Variants in MACROD1 observed in about 807,000 individuals in gnomAD.
MACROD1 encodes the protein mono-ADP ribosylhydrolase 1.
In MACROD1, 31 loss-of-function variants were observed where a neutral mutation model predicts 41.4. The observed-to-expected ratio is 0.75, with a 90% CI of 0.56 to 1.01. MACROD1 has a LOEUF of 1.01. MACROD1 is among the 50% of genes least tolerant of loss of function. The pLI, the probability that MACROD1 is intolerant of heterozygous loss-of-function variation, is 0.00. For synonymous variants in MACROD1, 252 were observed against 203.4 expected, an observed-to-expected ratio of 1.24 and a Z score of -2.03; for missense variants, 473 against 460.0, an observed-to-expected ratio of 1.03 and a Z score of -0.26.
At chr11:64,034,556 C>A (rs1452401158) in intron 3 of MACROD1, among the ~76,000 whole-genome samples, 2 of 152,126 alleles carry the variant, frequency 1.3e-5, no homozygotes, top group African/African-American at 4.8e-5. Context: ...AGGCCAGAGG[C>A]GGCGGCCTCA....
At position 64,152,317 on chromosome 11, in the gene MACROD1, G is replaced by A. The variant is rs747232105; in HGVS notation, c.375C>T (p.Ile125=). Residue 125 remains isoleucine, a synonymous_variant, in exon 2 of 11, where the codon ATC becomes ATT. Transcript: ENST00000255681. ...CTTTCGCCATCTCCTTCCATGTCGGGATCTTCTTCAGCCTGACAAAGTCCT... is the reference window on the plus strand; with the variant it reads ...CTTTCGCCATCTCCTTCCATGTCGGAATCTTCTTCAGCCTGACAAAGTCCT... ...FCKDFVRLKK[I]PTWKEMAKGV... is the part of the protein sequence containing the mutation. 4 of 1,614,090 alleles carry A rather than the reference G, an allele frequency of 2.5e-6. No individual in the cohort carries two copies. The African/African-American group carries it at 5.3e-5, about 22-fold the overall frequency.
chr11:64,090,330 C>T lies in MACROD1; in HGVS notation c.517+60909G>A, dbSNP rs965545123. Among the ~76,000 whole-genome samples the T allele has an allele frequency of 7.2e-5, 11 of 152,224 alleles. No individual in the cohort carries two copies. The highest frequency in any genetic ancestry group is 3.3e-4 in the Admixed American group (5 of 15,286). On this transcript the variant is annotated intron_variant, in intron 3 of 10. Transcript: ENST00000255681. This position sits in a 1 kb window ranked among gnomAD's most constrained non-coding sequence, Gnocchi z 4.7. The stretch of plus-strand genomic sequence containing the variant: ...AATAGTCAGCAGTTATTTATCGTCT[C>T]GTTTCTTAGTGGGTAGGAAAGCCAC...
At chr11:64,145,367 C>T (rs555977640) in intron 3 of MACROD1, among the ~76,000 whole-genome samples, 30 of 152,264 alleles carry the variant, frequency 2.0e-4, no homozygotes, top group African/African-American at 7.2e-4. Flanking sequence ...TCAGACCTTG[C>T]TCCTAGCACT....
intron 3 of MACROD1, among the ~76,000 whole-genome samples, chr11:64,151,010 C>G (rs1266382695): frequency 6.6e-6 from 1 of 152,226 alleles, no homozygotes; most frequent in Non-Finnish European, 1.5e-5. Flanking sequence ...TCCCCGGCCA[C>G]TAATGGGTCT....
At chr11:64,159,794 C>CA (rs1289343483) in intron 1 of MACROD1, among the ~76,000 whole-genome samples, 27 of 151,688 alleles carry the variant, frequency 1.8e-4, no homozygotes, top group African/African-American at 5.8e-4. Flanking sequence ...AACTCGGTCT[C>CA]AAAAAAAATT....
intron 3 of MACROD1, among the ~76,000 whole-genome samples, chr11:64,108,427 C>A (rs533139876): frequency 6.6e-6 from 1 of 152,118 alleles, no homozygotes; most frequent in African/African-American, 2.4e-5. Flanking sequence ...GGCTTCCTGG[C>A]GAGAAGGAGG....
chr11:64,094,555 G>A (rs939513374), intron 3 of MACROD1, among the ~76,000 whole-genome samples: 3 of 152,222 alleles, frequency 2.0e-5, no homozygotes, highest in Admixed American at 6.5e-5. Flanking sequence ...TGGAGTGAAG[G>A]CCTCCTGAGT....
intron 3 of MACROD1, among the ~76,000 whole-genome samples, chr11:64,142,400 A>C (rs1945425720): frequency 6.6e-6 from 1 of 152,134 alleles, no homozygotes; most frequent in African/African-American, 2.4e-5. Flanking sequence ...ACTGAAACCC[A>C]GGACAGAGAG....
chr11:64,003,942 G>C (rs943257801), intron 4 of MACROD1, among the ~76,000 whole-genome samples: 3 of 152,210 alleles, frequency 2.0e-5, no homozygotes, highest in Non-Finnish European at 4.4e-5. Flanking sequence ...CCCCAGCGCT[G>C]ACGGCTCCCT....
intron 3 of MACROD1, among the ~76,000 whole-genome samples, chr11:64,126,176 C>CCA (rs1945177351): frequency 6.6e-6 from 1 of 152,232 alleles, no homozygotes; most frequent in Non-Finnish European, 1.5e-5. Context: ...CAACGCACCT[C>CCA]CACACCCCAC....
In MACROD1 at chr11:64,117,979, G is replaced by T. The variant is rs143309484; in HGVS notation, c.517+33260C>A. 2,143 of 1,613,662 alleles carry T rather than the reference G, an allele frequency of 1.3e-3. 3 individuals are homozygous for T. Among genetic ancestry groups the T allele is most frequent in the Non-Finnish European group, 1.7e-3 (2,014 of 1,180,016 alleles). ...CTGGTCTTCCTCTTCCTGGTCCTGG[G>T]GGCCATCTGCTGGTACGTGCACCAG... On this transcript the variant is annotated intron_variant, in intron 3 of 10. Transcript: ENST00000255681.
intron 3 of MACROD1, among the ~76,000 whole-genome samples, chr11:64,029,660 C>G (rs1252765393): frequency 6.6e-6 from 1 of 152,162 alleles, no homozygotes; most frequent in African/African-American, 2.4e-5. Flanking sequence ...CGCCCCCACC[C>G]CCCTCTCGGA....
intron 3 of MACROD1, among the ~76,000 whole-genome samples, chr11:64,051,472 G>A (rs1036693385): frequency 1.3e-5 from 2 of 152,204 alleles, no homozygotes; most frequent in African/African-American, 2.4e-5. Context: ...TCTCATTGTT[G>A]TGGGGCGGGG....
intron 4 of MACROD1, among the ~76,000 whole-genome samples, chr11:64,013,707 C>T (rs1167598322): frequency 6.6e-6 from 1 of 152,168 alleles, no homozygotes; most frequent in African/African-American, 2.4e-5. Flanking sequence ...CTAAAGATCT[C>T]GCTCCTCACA....
chr11:64,096,992 G>A lies in MACROD1; in HGVS notation c.517+54247C>T, dbSNP rs1045680010. ...GGGAGTTCCTGCCTACCCTTGCTGG[G>A]AGGAGATTGCAAAGGCACAAGAGCA... On this transcript the variant is annotated intron_variant, in intron 3 of 10. Transcript: ENST00000255681. The surrounding 1 kb of genome is among the most constrained non-coding windows in gnomAD (Gnocchi z 4.6). Among the ~76,000 whole-genome samples, 3 of 152,232 alleles carry A rather than the reference G, an allele frequency of 2.0e-5. No homozygotes were observed. The highest frequency in any genetic ancestry group is 4.4e-5 in the Non-Finnish European group (3 of 68,038).
intron 3 of MACROD1, among the ~76,000 whole-genome samples, chr11:64,046,123 G>A (rs1198664267): frequency 6.6e-6 from 1 of 152,070 alleles, no homozygotes; most frequent in Non-Finnish European, 1.5e-5. Flanking sequence ...GGTTCTGAGC[G>A]GCAGGGGTAG....
chr11:64,010,144 T>G (rs1590796826), intron 4 of MACROD1, among the ~76,000 whole-genome samples: 3 of 143,066 alleles, frequency 2.1e-5, no homozygotes, highest in East Asian at 2.1e-4. Flanking sequence ...TTGGTTGGGG[T>G]GTTGGTTGAA....
chr11:64,059,812 G>C (rs1320306276), intron 3 of MACROD1, among the ~76,000 whole-genome samples: 2 of 152,222 alleles, frequency 1.3e-5, no homozygotes, highest in African/African-American at 4.8e-5. Flanking sequence ...GGTCTTCCAA[G>C]GGTCCTGACC....
chr11:64,152,228 C>A (rs957189245), intron 2 of MACROD1, 64 bp downstream of exon 2: 1 of 1,434,666 alleles, frequency 7.0e-7, no homozygotes, highest in East Asian at 2.3e-5. Flanking sequence ...TTCTTGTCTG[C>A]ACAATTCTCC....
Sources: gnomAD v4.1 joint callset for allele counts (sites outside exome capture counted in the v4.1 genomes callset) on GRCh38, gnomAD v4.1.1 for gene constraint, Gnocchi (gnomAD v3.1) non-coding constraint, MANE v1.5 for transcripts, NCBI Gene and HGNC (gene_info 2026-07-23, HGNC 2026-07-21) for gene names.